TCEANC2: variants seen among roughly 807,000 people sequenced by gnomAD.
TCEANC2 encodes the protein transcription elongation factor A N-terminal and central domain-containing protein 2.
In TCEANC2, 20 loss-of-function variants were observed where a neutral mutation model predicts 22.8. The observed-to-expected ratio is 0.88, with a 90% CI of 0.62 to 1.28. TCEANC2 has a LOEUF of 1.28. TCEANC2 is among the 50% of genes most tolerant of loss of function. TCEANC2 has a pLI of 0.00. For missense variants in TCEANC2, 251 were observed against 249.7 expected (o/e 1.01, Z -0.03); for synonymous variants, 84 against 95.5 (o/e 0.88, Z 0.70).
intron 2 of TCEANC2, among the ~76,000 whole-genome samples, chr1:54,055,796 A>G (rs1202002559): frequency 1.3e-5 from 2 of 152,224 alleles, no homozygotes; most frequent in Non-Finnish European, 2.9e-5. Flanking sequence ...AACAGGCCTT[A>G]CTGGTAACTG....
In TCEANC2 at chr1:54,072,238, CCTT is replaced by C. The variant is rs1208459089; in HGVS notation, c.244+3342_244+3344del. Among the ~76,000 whole-genome samples, 17 of 152,234 alleles carry C rather than the reference CCTT, an allele frequency of 1.1e-4. No individual in the cohort carries two copies. In the East Asian group the frequency reaches 3.3e-3, roughly 29 times the overall value. On this transcript the variant is annotated intron_variant, in intron 3 of 4. Coordinates refer to ENST00000234827, the MANE Select transcript of TCEANC2 (RefSeq NM_153035.3). ...CCTTTAGTTTATCTATTTTTTATCT[CCTT>C]GTCTGACTCAGCATTGTGTGGTAAT...
intron 2 of TCEANC2, among the ~76,000 whole-genome samples, chr1:54,055,672 A>C (rs1180911604): frequency 6.6e-6 from 1 of 152,200 alleles, no homozygotes; most frequent in Non-Finnish European, 1.5e-5. Flanking sequence ...TGTGCAAAGG[A>C]TTGTAAGAGC....
chr1:54,065,249 A>G (rs1295813828), intron 2 of TCEANC2, among the ~76,000 whole-genome samples: 1 of 152,224 alleles, frequency 6.6e-6, no homozygotes, highest in East Asian at 1.9e-4. Context: ...AAAGAGAAAT[A>G]TTTAGGATTT....
At chr1:54,055,929 A>G (rs186934689) in intron 2 of TCEANC2, among the ~76,000 whole-genome samples, 3 of 152,320 alleles carry the variant, frequency 2.0e-5, no homozygotes, top group African/African-American at 7.2e-5. Context: ...GGGCAAGATA[A>G]TTCTTCATTA....
rs1657675446 is a variant in TCEANC2, at chr1:54,053,706, C to G, written c.-95C>G. On this transcript the variant is annotated 5_prime_UTR_variant, in exon 1 of 5. Transcript: ENST00000234827. ...ACAGACGACTGGGCTTGGGAGCCTA[C>G]GAGGTTGCAGTCTGGAGGGCGCCAA... 1 of 154,202 alleles carries G rather than the reference C, an allele frequency of 6.5e-6. No homozygotes were observed. The highest frequency in any genetic ancestry group is 1.4e-5 in the Non-Finnish European group (1 of 69,118). The allele number at this position is 154,202 out of a possible 1,614,324, so 9.6% of individuals were successfully genotyped here.
At chr1:54,081,856 A>G (rs921561307) in intron 3 of TCEANC2, among the ~76,000 whole-genome samples, 1 of 152,150 alleles carries the variant, frequency 6.6e-6, no homozygotes, top group African/African-American at 2.4e-5. Flanking sequence ...GCAGGCCAAA[A>G]GCAGTGACTC....
intron 2 of TCEANC2, among the ~76,000 whole-genome samples, chr1:54,055,205 T>C (rs931250734): frequency 5.9e-5 from 9 of 152,008 alleles, no homozygotes; most frequent in African/African-American, 2.2e-4. Context: ...CTCAAAATGA[T>C]CCACCCGCCT....
chr1:54,088,841 T>C, intron 4 of TCEANC2, 51 bp downstream of exon 4: 2 of 1,351,482 alleles, frequency 1.5e-6, no homozygotes, highest in Non-Finnish European at 2.0e-6. Flanking sequence ...AATTAATTTT[T>C]AAAAGAAGAA....
exon 5 of TCEANC2, chr1:54,112,181 A>AAAC (rs141103002): frequency 0.032 from 4,817 of 149,224 alleles, 114 homozygotes; most frequent in South Asian, 0.073. Context: ...CAATTCTACA[A>AAAC]AACAACAACA....
At chr1:54,107,072 C>T (rs934356314), downstream of TCEANC2, among the ~76,000 whole-genome samples, 2 of 152,242 alleles carry the variant, frequency 1.3e-5, no homozygotes, top group East Asian at 1.9e-4. Flanking sequence ...GTCTTCCCAC[C>T]GATGTCCTCT....
At chr1:54,071,011 G>T (rs1658046208) in intron 3 of TCEANC2, among the ~76,000 whole-genome samples, 1 of 152,174 alleles carries the variant, frequency 6.6e-6, no homozygotes, top group African/African-American at 2.4e-5. Context: ...GGCACATCAC[G>T]TGAGCTGTAT....
At chr1:54,088,053 C>T (rs375216711) in intron 3 of TCEANC2, among the ~76,000 whole-genome samples, 12 of 152,280 alleles carry the variant, frequency 7.9e-5, no homozygotes, top group East Asian at 5.8e-4. Context: ...TAACATTGAA[C>T]AGTGGGTTTA....
chr1:54,073,397 G>A (rs1028038819), intron 3 of TCEANC2, among the ~76,000 whole-genome samples: 1 of 152,200 alleles, frequency 6.6e-6, no homozygotes, highest in Non-Finnish European at 1.5e-5. Flanking sequence ...CACCTCTTAA[G>A]GATCTTACCT....
chr1:54,094,745 T>C (rs1658512693), intron 4 of TCEANC2, among the ~76,000 whole-genome samples: 1 of 152,076 alleles, frequency 6.6e-6, no homozygotes, highest in Non-Finnish European at 1.5e-5. Context: ...AATGAGTGGC[T>C]AAGGTAGGGA....
chr1:54,092,600 G>A (rs1658468768), intron 4 of TCEANC2, among the ~76,000 whole-genome samples: 1 of 152,182 alleles, frequency 6.6e-6, no homozygotes, highest in Non-Finnish European at 1.5e-5. Flanking sequence ...TGCTAGCTAG[G>A]CATGCACAGT....
chr1:54,059,621 T>C (rs1569991830), intron 2 of TCEANC2, among the ~76,000 whole-genome samples: 1 of 152,228 alleles, frequency 6.6e-6, no homozygotes, highest in East Asian at 1.9e-4. Flanking sequence ...TTGGTTCAAA[T>C]ATCTGTGGAA....
intron 3 of TCEANC2, among the ~76,000 whole-genome samples, chr1:54,072,649 A>C (rs112863042): frequency 0.097 from 14,685 of 151,646 alleles, 1,666 homozygotes; most frequent in African/African-American, 0.28. Context: ...CCTGCCTCAG[A>C]CTCCCAAAGT....
downstream of TCEANC2, chr1:54,110,977 T>A (rs1211251578): frequency 6.6e-6 from 1 of 152,246 alleles, no homozygotes; most frequent in African/African-American, 2.4e-5. Flanking sequence ...TTTTTCTTCA[T>A]AGGACTTAAA....
rs1471257104 is a variant in TCEANC2, at chr1:54,103,885, A to G, written c.*7412A>G. ...AAAGGGCTTATAGAATGTTTAATCT[A>G]CTGGGATAGATTATGGGATCTATAG... On this transcript the variant is annotated 3_prime_UTR_variant, in exon 5 of 5. Coordinates refer to ENST00000234827, the MANE Select transcript of TCEANC2 (RefSeq NM_153035.3). 1 of 152,220 alleles carries G rather than the reference A, an allele frequency of 6.6e-6. No homozygotes were observed. Among genetic ancestry groups the G allele is most frequent in the Non-Finnish European group, 1.5e-5 (1 of 68,036 alleles). 9.4% of individuals were successfully genotyped at this position (152,220 alleles called of 1,614,324 possible). A position where few individuals can be genotyped will look rare whatever the true frequency, so the allele number is the denominator to read the frequency against.
Sources: gnomAD v4.1 joint callset for allele counts (sites outside exome capture counted in the v4.1 genomes callset) on GRCh38, gnomAD v4.1.1 for gene constraint, MANE v1.5 for transcripts, NCBI Gene and HGNC (gene_info 2026-07-23, HGNC 2026-07-21) for gene names.